Variants in SMARCA1 observed in about 807,000 individuals in gnomAD.
The protein encoded by SMARCA1 is SWI/SNF-related matrix-associated actin-dependent regulator of chromatin subfamily A member 1.
A neutral mutation model predicts 93.6 loss-of-function variants in SMARCA1; 17 were observed. That is an observed-to-expected ratio of 0.18 (90% confidence interval 0.12 to 0.27). SMARCA1 has a LOEUF of 0.27. Ranked by LOEUF, SMARCA1 falls within the 10% of genes least tolerant of loss-of-function variation. The pLI is 1.00. For synonymous variants in SMARCA1, 271 were observed against 271.4 expected (o/e 1.00, Z 0.01); for missense variants, 630 against 819.0 (o/e 0.77, Z 2.82).
chrX:129,473,081 T>C (rs1028297843), intron 19 of SMARCA1, among the ~76,000 whole-genome samples: 3 of 111,161 alleles, frequency 2.7e-5, no homozygotes, highest in African/African-American at 9.8e-5. Flanking sequence ...GGAAGGCGCA[T>C]ATGGGGTTTA....
At chrX:129,499,945 C>T in intron 9 of SMARCA1, 104 bp from the exon 10 acceptor site, 1 of 365,808 alleles carries the variant, frequency 2.7e-6, no homozygotes, top group Non-Finnish European at 4.7e-6. Flanking sequence ...ACTGCATAGT[C>T]TGACAAATAC....
intron 19 of SMARCA1, among the ~76,000 whole-genome samples, chrX:129,474,123 A>G (rs1404896895): frequency 8.9e-6 from 1 of 111,752 alleles, no homozygotes; most frequent in Non-Finnish European, 1.9e-5. Flanking sequence ...AGCAAATACC[A>G]TAAGATGTAA....
intron 6 of SMARCA1, among the ~76,000 whole-genome samples, chrX:129,509,489 C>A (rs2124329158): frequency 9.0e-6 from 1 of 111,570 alleles, no homozygotes; most frequent in East Asian, 2.8e-4. Context: ...GAGTGCCAGA[C>A]CCCATTCAGT....
intron 21 of SMARCA1, among the ~76,000 whole-genome samples, chrX:129,466,391 C>T (rs888521515): frequency 4.5e-5 from 5 of 111,633 alleles, no homozygotes; most frequent in Non-Finnish European, 7.5e-5. Flanking sequence ...CACAGTGGCT[C>T]ACACTGTAAT....
chrX:129,478,513 T>C (rs1011514815), intron 19 of SMARCA1, among the ~76,000 whole-genome samples: 1 of 111,108 alleles, frequency 9.0e-6, no homozygotes, highest in Non-Finnish European at 1.9e-5. Context: ...TCCCCTTCCT[T>C]TCTACCACCC....
intron 6 of SMARCA1, among the ~76,000 whole-genome samples, chrX:129,508,519 T>C (rs1934906141): frequency 8.9e-6 from 1 of 112,389 alleles, no homozygotes; most frequent in Non-Finnish European, 1.9e-5. Flanking sequence ...TAGAACTCAA[T>C]GTGCATGAAT....
intron 17 of SMARCA1, among the ~76,000 whole-genome samples, chrX:129,485,473 T>C (rs909799925): frequency 5.3e-5 from 6 of 112,252 alleles, no homozygotes; most frequent in Admixed American, 9.4e-5. Flanking sequence ...GAGACTGAGA[T>C]GAGACTTTGG....
intron 7 of SMARCA1, among the ~76,000 whole-genome samples, chrX:129,506,452 C>T (rs141294904): frequency 0.013 from 1,451 of 110,063 alleles, 26 homozygotes; most frequent in African/African-American, 0.046. Context: ...TTTGGGTGGC[C>T]AAGGCAGGTG....
At chrX:129,497,781 T>G (rs754254803) in intron 11 of SMARCA1, 64 bp downstream of exon 11, 1 of 720,221 alleles carries the variant, frequency 1.4e-6, no homozygotes, top group East Asian at 3.5e-5. Context: ...TATGGAAAAT[T>G]TTATTTATAT....
chrX:129,506,061 A>G lies in SMARCA1; in HGVS notation c.1098+19T>C. ...TGAAAATAAGAAAGTTATACTTAAA[A>G]CGTATGGCTTAAACTTACATCTGCA... On this transcript the variant is annotated intron_variant, in intron 8 of 24. Coordinates refer to ENST00000371121, the MANE Select transcript of SMARCA1 (RefSeq NM_001282874.2). 1 of 1,150,562 alleles carries G rather than the reference A, an allele frequency of 8.7e-7. No homozygotes were observed. Among genetic ancestry groups the G allele is most frequent in the Non-Finnish European group, 1.2e-6 (1 of 848,430 alleles). The allele number at this position is 1,150,562 out of a possible 1,213,427, so 94.8% of individuals were successfully genotyped here. A position where few individuals can be genotyped will look rare whatever the true frequency, so the allele number is the denominator to read the frequency against.
At chrX:129,520,137 T>TCGTG (rs1407520314) in intron 1 of SMARCA1, among the ~76,000 whole-genome samples, 1 of 59,173 alleles carries the variant, frequency 1.7e-5, no homozygotes, top group Non-Finnish European at 3.0e-5. Flanking sequence ...AAACCTTCTC[T>TCGTG]CGTGTGTGTG....
Position 129,496,804 on chromosome X carries a change from C to A in SMARCA1, c.1572G>T (p.Trp524Cys). ...LLDILEDYCM[W>C]RGYEYCRLDG... ...CCAGTCGACAATACTCATAACCACG[C>A]CACATGCAATAATCTTCCAAAATAT... Residue 524 changes from tryptophan (W) to cysteine (C), a missense_variant, in exon 12 of 25, where the codon TGG becomes TGT. By Grantham distance (215) the Trp-to-Cys change is radical. This residue lies in a region of SMARCA1 where 382 missense variants were observed against 537.9 expected (regional missense o/e 0.71). Coordinates refer to ENST00000371121, the MANE Select transcript of SMARCA1 (RefSeq NM_001282874.2). The A allele has an allele frequency of 8.3e-7, 1 of 1,204,520 alleles. No individual in the cohort carries two copies. The highest frequency in any genetic ancestry group is 1.1e-6 in the Non-Finnish European group (1 of 889,076).
At chrX:129,481,746 G>C (rs1345631631) in intron 17 of SMARCA1, among the ~76,000 whole-genome samples, 5 of 111,760 alleles carry the variant, frequency 4.5e-5, no homozygotes, top group Non-Finnish European at 7.5e-5. Context: ...ACTGTAACTA[G>C]TTCAACCCTT....
chrX:129,516,430 T>C lies in SMARCA1; in HGVS notation c.329A>G (p.Gln110Arg), dbSNP rs200726496. Residue 110 changes from glutamine to arginine, a missense_variant, in exon 3 of 25, where the codon CAG becomes CGG. Transcript: ENST00000371121. ...KQTELFAHFI[Q>R]PSAQKSPTSP... The stretch of plus-strand genomic sequence containing the variant: ...TGTTGGAGATTTCTGTGCTGAAGGC[T>C]GAATGAAATGTGCAAAAAGTTCTGT... 8.3e-7 allele frequency: 1 copy of C among 1,207,517 alleles called. No homozygotes were observed. Among genetic ancestry groups the C allele is most frequent in the African/African-American group, 1.7e-5 (1 of 57,339 alleles).
intron 19 of SMARCA1, among the ~76,000 whole-genome samples, chrX:129,477,041 C>G (rs1666563265): frequency 9.0e-6 from 1 of 111,475 alleles, no homozygotes; most frequent in Non-Finnish European, 1.9e-5. Flanking sequence ...TAAGGAGGAT[C>G]AAGGCAAGTC....
At chrX:129,486,403 A>G (rs1157230988) in intron 17 of SMARCA1, among the ~76,000 whole-genome samples, 1 of 111,657 alleles carries the variant, frequency 9.0e-6, no homozygotes, top group Non-Finnish European at 1.9e-5. Flanking sequence ...ATTTAAAAAT[A>G]AAAAGTTTTA....
chrX:129,468,817 C>T lies in SMARCA1; in HGVS notation c.2654G>A (p.Arg885Gln), dbSNP rs1932996529. Residue 885 changes from arginine to glutamine, a missense_variant, in exon 21 of 25, where the codon CGA (arginine) becomes CAA (glutamine). Physicochemically the swap from Arg to Gln is conservative, Grantham distance 43. Around this residue, in one of 4 missense-constraint regions of SMARCA1, gnomAD observed 93 missense variants for 160.8 expected, o/e 0.58. Coordinates refer to ENST00000371121, the MANE Select transcript of SMARCA1 (RefSeq NM_001282874.2). ...CTCAGGGGATTTGCCCTCTACCTCT[C>T]GAGCTATGTTATCAATGTCATCTCT... ...YGRDDIDNIAREVEGKSPEEV... is the reference protein window; with the variant it reads ...YGRDDIDNIAQEVEGKSPEEV... The T allele has an allele frequency of 8.4e-7, 1 of 1,188,491 alleles. No homozygotes were observed.
chrX:129,507,857 T>C, intron 7 of SMARCA1, 84 bp downstream of exon 7: 2 of 636,537 alleles, frequency 3.1e-6, no homozygotes, highest in Non-Finnish European at 4.6e-6. Flanking sequence ...GGCTGTTCCA[T>C]CATTTTTTAT....
intron 6 of SMARCA1, among the ~76,000 whole-genome samples, chrX:129,511,365 G>A (rs1463425469): frequency 8.9e-6 from 1 of 111,914 alleles, no homozygotes; most frequent in African/African-American, 3.2e-5. Flanking sequence ...ATGCATATGC[G>A]TGTGTGTACA....
Sources: gnomAD v4.1 joint callset for allele counts (sites outside exome capture counted in the v4.1 genomes callset) on GRCh38, gnomAD v4.1.1 for gene constraint, gnomAD v4.1.1 regional missense constraint, MANE v1.5 for transcripts, NCBI Gene and HGNC (gene_info 2026-07-23, HGNC 2026-07-21) for gene names.